Variants in AFG2A observed in about 807,000 individuals in gnomAD.
AFG2A encodes AAA ATPase AFG2A, also known as ATPase family gene 2 protein homolog A.
chr4:123,130,999 A>G, the AFG2A span, among the ~76,000 whole-genome samples: 3 of 151,892 alleles, frequency 2.0e-5, no homozygotes, highest in Non-Finnish European at 4.4e-5. Context: ...TTTAATCTGC[A>G]TTGCTCTTAT....
the AFG2A span, among the ~76,000 whole-genome samples, chr4:122,962,327 A>G: frequency 1.3e-5 from 2 of 152,080 alleles, no homozygotes; most frequent in African/African-American, 4.8e-5. Context: ...GTAATTTTGC[A>G]GCATATTTCA....
the AFG2A span, among the ~76,000 whole-genome samples, chr4:123,304,023 A>C: frequency 6.6e-6 from 1 of 151,964 alleles, no homozygotes. Flanking sequence ...TGTCCTCTGA[A>C]ATACTACTCT....
chr4:123,214,647 T>G, the AFG2A span, among the ~76,000 whole-genome samples: 74 of 152,176 alleles, frequency 4.9e-4, no homozygotes, highest in Admixed American at 1.3e-4. Context: ...TTTTACCATT[T>G]ACTAACATGA....
the AFG2A span, chr4:123,314,293 TA>T: frequency 3.0e-6 from 1 of 327,968 alleles, no homozygotes; most frequent in East Asian, 5.0e-5. Context: ...TGGTGTGGTT[TA>T]AAAAACAAAT....
chr4:122,930,616 T>A, the AFG2A span, among the ~76,000 whole-genome samples: 2 of 152,096 alleles, frequency 1.3e-5, no homozygotes, highest in Non-Finnish European at 2.9e-5. Context: ...CATGTATGTA[T>A]ACACACACAC....
chr4:122,996,898 T>C, the AFG2A span, among the ~76,000 whole-genome samples: 1 of 152,166 alleles, frequency 6.6e-6, no homozygotes, highest in East Asian at 1.9e-4. Context: ...AAGGGTATTC[T>C]AGTTCCAGGA....
the AFG2A span, among the ~76,000 whole-genome samples, chr4:123,218,518 TTA>T: frequency 6.6e-6 from 1 of 152,214 alleles, no homozygotes; most frequent in African/African-American, 2.4e-5. Context: ...ATGGTGTTGC[TTA>T]TGTTTGATAA....
At chr4:122,929,206 C>T in the AFG2A span, 1 of 1,558,622 alleles carries the variant, frequency 6.4e-7, no homozygotes, top group Non-Finnish European at 8.7e-7. Flanking sequence ...AGGTTTGGCT[C>T]TTTTCTTTGG....
At chr4:123,040,094 A>ATTCATTTTCTT in the AFG2A span, among the ~76,000 whole-genome samples, 1,839 of 152,072 alleles carry the variant, frequency 0.012, 41 homozygotes, top group African/African-American at 0.041. Flanking sequence ...TCTTTTGTAT[A>ATTCATTTTCTT]TTGGTAAGAG....
the AFG2A span, among the ~76,000 whole-genome samples, chr4:123,010,062 A>C: frequency 6.6e-6 from 1 of 152,198 alleles, no homozygotes; most frequent in Non-Finnish European, 1.5e-5. Context: ...CAAGTTGCAG[A>C]TTAGGGAAGC....
the AFG2A span, among the ~76,000 whole-genome samples, chr4:123,213,229 GC>G: frequency 6.6e-6 from 1 of 152,102 alleles, no homozygotes; most frequent in Admixed American, 6.6e-5. Flanking sequence ...TCGTGTACAA[GC>G]TAAAGCTAAA....
the AFG2A span, among the ~76,000 whole-genome samples, chr4:123,204,306 A>G: frequency 6.6e-6 from 1 of 152,208 alleles, no homozygotes; most frequent in African/African-American, 2.4e-5. Context: ...AGAAACTACC[A>G]AACTATCTTC....
At chr4:123,168,301 TTGACA>T in the AFG2A span, among the ~76,000 whole-genome samples, 3 of 152,204 alleles carry the variant, frequency 2.0e-5, no homozygotes, top group Non-Finnish European at 4.4e-5. Flanking sequence ...ACTGAGATGC[TTGACA>T]TGTTACTTTT....
the AFG2A span, among the ~76,000 whole-genome samples, chr4:123,001,860 G>T: frequency 3.3e-5 from 5 of 151,996 alleles, no homozygotes; most frequent in African/African-American, 9.7e-5. Flanking sequence ...GGGTATCCTT[G>T]TTAACTTTCT....
At chr4:123,288,498 GTTC>G in the AFG2A span, among the ~76,000 whole-genome samples, 1 of 152,170 alleles carries the variant, frequency 6.6e-6, no homozygotes, top group Non-Finnish European at 1.5e-5. Context: ...CATGTTGAAA[GTTC>G]TTCTCTGCCA....
At chr4:123,221,602 T>A in the AFG2A span, among the ~76,000 whole-genome samples, 339 of 152,204 alleles carry the variant, frequency 2.2e-3, 2 homozygotes, top group Middle Eastern at 0.014. Flanking sequence ...TTTACTTTTT[T>A]AAAAACCTTT....
chr4:123,307,805 A>G, the AFG2A span, among the ~76,000 whole-genome samples: 4 of 152,360 alleles, frequency 2.6e-5, no homozygotes, highest in South Asian at 2.1e-4. Context: ...TAGATACACA[A>G]ATACTTACAT....
the AFG2A span, among the ~76,000 whole-genome samples, chr4:123,092,448 T>G: frequency 3.9e-5 from 6 of 152,226 alleles, no homozygotes; most frequent in Non-Finnish European, 7.3e-5. Flanking sequence ...ATTAGATATA[T>G]TTCTTGAAGT....
chr4:123,276,531 G>T, the AFG2A span, among the ~76,000 whole-genome samples: 1 of 151,770 alleles, frequency 6.6e-6, no homozygotes, highest in Non-Finnish European at 1.5e-5. Context: ...GTTGCCTTTG[G>T]CATCTTCATC....
Sources: gnomAD v4.1 joint callset for allele counts (sites outside exome capture counted in the v4.1 genomes callset) on GRCh38, gnomAD v4.1.1 for gene constraint, MANE v1.5 for transcripts, NCBI Gene and HGNC (gene_info 2026-07-23, HGNC 2026-07-21) for gene names.